Variants in ENTHD1 observed in about 807,000 individuals in gnomAD.
ENTHD1 encodes ENTH domain-containing protein 1.
ENTHD1 carries 23 observed loss-of-function variants against 39.1 expected under a neutral mutation model. The ratio of observed to expected loss-of-function variants is 0.59; its 90% CI spans 0.42 to 0.83. The LOEUF (loss-of-function observed/expected upper bound fraction) is 0.83, where lower values mean the gene tolerates loss of function less well. ENTHD1 is among the 40% of genes least tolerant of loss of function. The probability of loss-of-function intolerance (pLI) is 0.00; values close to 1 mark genes in which losing one functional copy is unlikely to be tolerated. For missense variants in ENTHD1, 624 were observed against 705.4 expected (o/e 0.88, Z 1.31); for synonymous variants, 230 against 258.2 (o/e 0.89, Z 1.05).
chr22:39,763,174 G>C (rs1434734093), intron 6 of ENTHD1, among the ~76,000 whole-genome samples: 1 of 152,058 alleles, frequency 6.6e-6, no homozygotes, highest in African/African-American at 2.4e-5. Context: ...GGTCCCAGTG[G>C]AAAGCCTGGA....
chr22:39,795,532 A>G (rs1215768094), intron 5 of ENTHD1, among the ~76,000 whole-genome samples: 2 of 151,650 alleles, frequency 1.3e-5, no homozygotes, highest in Non-Finnish European at 2.9e-5. Context: ...GGCTCAAGCA[A>G]TCCTCCCATT....
intron 5 of ENTHD1, among the ~76,000 whole-genome samples, chr22:39,768,607 A>G (rs2065297289): frequency 6.6e-6 from 1 of 152,022 alleles, no homozygotes; most frequent in South Asian, 2.1e-4. Context: ...TCACTTAATT[A>G]TATGCTATTT....
At chr22:39,753,619 T>C (rs1048031953) in intron 6 of ENTHD1, among the ~76,000 whole-genome samples, 1 of 152,174 alleles carries the variant, frequency 6.6e-6, no homozygotes, top group Non-Finnish European at 1.5e-5. Context: ...TATAAACAAA[T>C]ACTTCTTAAA....
At chr22:39,866,480 CT>C (rs2066182676) in intron 2 of ENTHD1, among the ~76,000 whole-genome samples, 1 of 152,188 alleles carries the variant, frequency 6.6e-6, no homozygotes, top group Admixed American at 6.5e-5. Context: ...ATGTGCCAGA[CT>C]TTAATTTTGG....
Position 39,795,445 on chromosome 22 carries a change from G to A in ENTHD1, c.832+25548C>T, listed in dbSNP as rs182157522. ...CTTTTTTCTTTTTTTGTTCTTTTTG[G>A]GACAAGGTCTCACTTTGTCACCCAG... On this transcript the variant is annotated intron_variant, in intron 5 of 6. Coordinates refer to ENST00000325157, the MANE Select transcript of ENTHD1 (RefSeq NM_152512.4). Among the ~76,000 whole-genome samples the A allele has an allele frequency of 3.7e-3, 558 of 150,872 alleles. 5 individuals carry two copies. Among genetic ancestry groups the A allele is most frequent in the African/African-American group, 0.012 (493 of 41,000 alleles).
intron 2 of ENTHD1, among the ~76,000 whole-genome samples, chr22:39,878,562 A>G (rs2066309744): frequency 6.6e-6 from 1 of 152,066 alleles, no homozygotes; most frequent in African/African-American, 2.4e-5. Context: ...AGGAACAAAG[A>G]TAAGAATTAC....
Position 39,743,871 on chromosome 22 carries a change from T to G in ENTHD1, c.1632A>C (p.Ala544=). Residue 544 remains alanine (A), a synonymous_variant, in exon 7 of 7, where the codon GCA becomes GCC. Coordinates refer to ENST00000325157, the MANE Select transcript of ENTHD1 (RefSeq NM_152512.4). ...TTAAAAGAACACTAATGGAATTCTT[T>G]GCTTCAGGTTCCTGGGGGAAGTCTT... ...STKDFPQEPE[A]KNSISVLLRE... The G allele has an allele frequency of 6.2e-7, 1 of 1,614,198 alleles. No homozygotes were observed. The highest frequency in any genetic ancestry group is 8.5e-7 in the Non-Finnish European group (1 of 1,180,018).
At chr22:39,816,921 A>C (rs183136391) in intron 5 of ENTHD1, among the ~76,000 whole-genome samples, 119 of 152,018 alleles carry the variant, frequency 7.8e-4, no homozygotes, top group Admixed American at 1.3e-3. Context: ...AGATATATAG[A>C]AATATATCTG....
At chr22:39,844,522 T>G (rs560016498) in intron 3 of ENTHD1, among the ~76,000 whole-genome samples, 1 of 152,242 alleles carries the variant, frequency 6.6e-6, no homozygotes, top group Non-Finnish European at 1.5e-5. Context: ...GATAGCAAAA[T>G]GAAACTGCAA....
At chr22:39,874,384 C>A (rs988257963) in intron 2 of ENTHD1, 3 of 152,264 alleles carry the variant, frequency 2.0e-5, no homozygotes, top group Admixed American at 2.0e-4. Flanking sequence ...ATACCCTTGA[C>A]CAAAGAAAAA....
At chr22:39,877,593 G>A (rs184081823) in intron 2 of ENTHD1, among the ~76,000 whole-genome samples, 1 of 152,296 alleles carries the variant, frequency 6.6e-6, no homozygotes, top group East Asian at 1.9e-4. Flanking sequence ...TCCAGGGGAA[G>A]TCTTCAGGGC....
chr22:39,849,581 AAT>A (rs2066018784), intron 3 of ENTHD1, among the ~76,000 whole-genome samples: 1 of 152,230 alleles, frequency 6.6e-6, no homozygotes, highest in Non-Finnish European at 1.5e-5. Flanking sequence ...AATGTATTTC[AAT>A]TAAACATTAT....
intron 2 of ENTHD1, among the ~76,000 whole-genome samples, chr22:39,871,312 A>C (rs946501760): frequency 6.6e-6 from 1 of 152,210 alleles, no homozygotes; most frequent in Non-Finnish European, 1.5e-5. Context: ...AAAATCTATC[A>C]AGAGCTGATA....
At chr22:39,846,484 A>G (rs2065989840) in intron 3 of ENTHD1, among the ~76,000 whole-genome samples, 1 of 152,136 alleles carries the variant, frequency 6.6e-6, no homozygotes, top group Admixed American at 6.5e-5. Context: ...GAAGCTCTTT[A>G]GTTTAATTAG....
intron 2 of ENTHD1, among the ~76,000 whole-genome samples, chr22:39,882,663 G>A (rs1275802998): frequency 6.6e-6 from 1 of 152,078 alleles, no homozygotes; most frequent in Non-Finnish European, 1.5e-5. Context: ...AAGTATGAGT[G>A]AAATTATGCC....
intron 4 of ENTHD1, among the ~76,000 whole-genome samples, chr22:39,825,820 C>A (rs1349587252): frequency 6.6e-6 from 1 of 151,652 alleles, no homozygotes; most frequent in Non-Finnish European, 1.5e-5. Flanking sequence ...CCTAAAAATC[C>A]TCTGTGCTTT....
At chr22:39,832,206 G>A (rs1601626030) in intron 4 of ENTHD1, among the ~76,000 whole-genome samples, 1 of 152,256 alleles carries the variant, frequency 6.6e-6, no homozygotes, top group South Asian at 2.1e-4. Context: ...AGCTGCTTGG[G>A]AGGCTGAGGT....
rs2066388554 is a variant in ENTHD1, at chr22:39,887,476, C to T, written c.273G>A (p.Gln91=). 6.2e-7 allele frequency: 1 copy of T among 1,614,076 alleles called. No homozygotes were observed. Among genetic ancestry groups the T allele is most frequent in the African/African-American group, 1.3e-5 (1 of 74,920 alleles). The change falls in exon 2 of 7, where the codon CAG becomes CAA. Residue 91 remains glutamine (Q), a synonymous_variant. Transcript: ENST00000325157. ...GGTTACAGAACCCCTCTCTGCAATG[C>T]TGAATAACTTTCTTTGATCCATTCT... ...LIKNGSKKVI[Q]HCREGFCNLQ...
At chr22:39,830,267 G>A (rs1345859278) in intron 4 of ENTHD1, among the ~76,000 whole-genome samples, 2 of 152,034 alleles carry the variant, frequency 1.3e-5, no homozygotes, top group Non-Finnish European at 2.9e-5. Flanking sequence ...TAGAGATGGG[G>A]TTTCACCATG....
Sources: allele counts gnomAD v4.1 joint callset (sites outside exome capture counted in the v4.1 genomes callset), GRCh38; gene constraint gnomAD v4.1.1; transcripts MANE v1.5; gene names NCBI Gene and HGNC (gene_info 2026-07-23, HGNC 2026-07-21).